XIRP2: variants seen among roughly 807,000 people sequenced by gnomAD.
The protein encoded by XIRP2 is xin actin binding repeat containing 2, also known as xin actin-binding repeat-containing protein 2.
Under a neutral mutation model 277.0 loss-of-function variants are expected in XIRP2, and 236 were observed. That is an observed-to-expected ratio of 0.85 (90% confidence interval 0.77 to 0.95). The LOEUF (loss-of-function observed/expected upper bound fraction) is 0.95, where lower values mean the gene tolerates loss of function less well. Ranked by LOEUF, XIRP2 falls within the 40% of genes least tolerant of loss-of-function variation. XIRP2 has a pLI of 0.00. For missense variants in XIRP2, 4,640 were observed against 4,157.5 expected (o/e 1.12, Z -3.19); for synonymous variants, 1,490 against 1,416.5 (o/e 1.05, Z -1.17).
At chr2:166,929,359 A>G (rs1340148041) in intron 2 of XIRP2, among the ~76,000 whole-genome samples, 1 of 152,040 alleles carries the variant, frequency 6.6e-6, no homozygotes, top group Non-Finnish European at 1.5e-5. Context: ...AAAAATCCCC[A>G]CCTTCAGTCA....
At chr2:166,969,012 GTT>G (rs1457514334) in intron 2 of XIRP2, among the ~76,000 whole-genome samples, 1 of 151,944 alleles carries the variant, frequency 6.6e-6, no homozygotes, top group Non-Finnish European at 1.5e-5. Context: ...GTCAAGAAGA[GTT>G]TTATCAAGGC....
Position 167,243,305 on chromosome 2 carries a change from A to C in XIRP2, c.1913A>C (p.Glu638Ala). 1.9e-6 allele frequency: 3 copies of C among 1,613,728 alleles called. No homozygotes were observed. Among genetic ancestry groups the C allele is most frequent in the Non-Finnish European group, 2.5e-6 (3 of 1,179,798 alleles). Residue 638 changes from glutamate to alanine, a missense_variant, in exon 9 of 11, where the codon GAA becomes GCA. By Grantham distance (107) the Glu-to-Ala change is moderately radical. Transcript: ENST00000409195. ...GGGGCTTATTCTTCTGACACTGTAG[A>C]AAATGCAGAGAAAATTCCTGAGCTA... ...TLGAYSSDTVENAEKIPELAR... is the reference protein window; with the variant it reads ...TLGAYSSDTVANAEKIPELAR...
chr2:167,086,712 C>T (rs962716119), intron 2 of XIRP2, among the ~76,000 whole-genome samples: 1 of 151,730 alleles, frequency 6.6e-6, no homozygotes, highest in African/African-American at 2.4e-5. Flanking sequence ...ATTGCTGATA[C>T]CCTTTCTCCC....
At chr2:166,894,090 T>A (rs552336031) in intron 1 of XIRP2, among the ~76,000 whole-genome samples, 2 of 152,264 alleles carry the variant, frequency 1.3e-5, no homozygotes, top group East Asian at 3.9e-4. Flanking sequence ...TCTTTTTGTT[T>A]AATGCAATGG....
Position 167,254,026 on chromosome 2 carries a change from T to C in XIRP2, c.10556-6T>C. 6.4e-7 allele frequency: 1 copy of C among 1,573,834 alleles called. No homozygotes were observed. The highest frequency in any genetic ancestry group is 1.4e-5 in the African/African-American group (1 of 72,782). Reference sequence around the variant, plus strand: ...TACAGAAGGCTTTGTAAATTTTTATTTTTAGAAGCTGCTGCTCCAAGACAA... The same window carrying C: ...TACAGAAGGCTTTGTAAATTTTTATCTTTAGAAGCTGCTGCTCCAAGACAA... On this transcript the variant is annotated splice_region_variant and splice_polypyrimidine_tract_variant and intron_variant, in intron 9 of 10. Transcript: ENST00000409195.
intron 3 of XIRP2, among the ~76,000 whole-genome samples, chr2:167,138,174 C>T (rs998899): frequency 0.33 from 50,910 of 151,974 alleles, 10,818 homozygotes; most frequent in African/African-American, 0.61. Flanking sequence ...TAACTAGCCG[C>T]AAGAGTTTCA....
chr2:166,948,851 C>A (rs1420268579), intron 2 of XIRP2, among the ~76,000 whole-genome samples: 2 of 152,000 alleles, frequency 1.3e-5, no homozygotes, highest in Non-Finnish European at 2.9e-5. Context: ...TTGAAAAACA[C>A]GGTTTTGTAC....
intron 2 of XIRP2, among the ~76,000 whole-genome samples, chr2:167,041,715 A>G (rs1351019428): frequency 6.6e-6 from 1 of 152,192 alleles, no homozygotes; most frequent in Non-Finnish European, 1.5e-5. Flanking sequence ...GGAATCTCAG[A>G]AAGACAGAGA....
intron 2 of XIRP2, among the ~76,000 whole-genome samples, chr2:167,024,366 A>T (rs1390860180): frequency 6.6e-6 from 1 of 151,978 alleles, no homozygotes; most frequent in Non-Finnish European, 1.5e-5. Flanking sequence ...GAGATGATGG[A>T]GTTTTCTAGA....
intron 3 of XIRP2, among the ~76,000 whole-genome samples, chr2:167,137,699 CA>C (rs1228481527): frequency 6.6e-6 from 1 of 152,146 alleles, no homozygotes; most frequent in East Asian, 1.9e-4. Context: ...AAAGTAACCT[CA>C]AATACACATT....
At chr2:167,148,696 A>G (rs996095018) in intron 3 of XIRP2, among the ~76,000 whole-genome samples, 8 of 152,206 alleles carry the variant, frequency 5.3e-5, no homozygotes, top group African/African-American at 1.9e-4. Flanking sequence ...AACACAAAAT[A>G]GACACTTGTA....
chr2:167,164,440 C>A (rs192853261), intron 3 of XIRP2, among the ~76,000 whole-genome samples: 13,138 of 116,120 alleles, frequency 0.11, 687 homozygotes, highest in Middle Eastern at 0.2. Context: ...AGCGAGACTC[C>A]GTCTCAAAAA....
chr2:167,228,895 C>A (rs959092790), intron 5 of XIRP2, among the ~76,000 whole-genome samples: 5 of 152,106 alleles, frequency 3.3e-5, no homozygotes, highest in African/African-American at 1.2e-4. Context: ...TCCTATAGAA[C>A]CTATTTTCAA....
rs950468636 is a variant in XIRP2 at position 167,095,844 on chromosome 2, C to T, written c.409-40065C>T. Reference sequence around the variant, plus strand: ...GGCCTCATAAAAATGATTTAGGAGGCGTCACTCTTTTTTTTTTTTTTTTTT... The same window carrying T: ...GGCCTCATAAAAATGATTTAGGAGGTGTCACTCTTTTTTTTTTTTTTTTTT... On this transcript the variant is annotated intron_variant, in intron 2 of 10. Coordinates refer to ENST00000409195, the MANE Select transcript of XIRP2 (RefSeq NM_152381.6). Among the ~76,000 whole-genome samples, 19 of 104,416 alleles carry T rather than the reference C, an allele frequency of 1.8e-4. No homozygotes were observed. The Admixed American group carries it at 1.9e-3, about 10-fold the overall frequency. 68.5% of individuals were successfully genotyped at this position (104,416 alleles called of 152,430 possible).
intron 2 of XIRP2, among the ~76,000 whole-genome samples, chr2:167,028,648 G>A (rs1410962052): frequency 6.6e-6 from 1 of 151,852 alleles, no homozygotes; most frequent in Non-Finnish European, 1.5e-5. Flanking sequence ...ACTCTTCAAT[G>A]TCTAGACACA....
At chr2:167,012,423 G>A (rs1687706118) in intron 2 of XIRP2, among the ~76,000 whole-genome samples, 1 of 151,642 alleles carries the variant, frequency 6.6e-6, no homozygotes, top group African/African-American at 2.4e-5. Context: ...ATTTTGTAAA[G>A]GAAACTGATG....
chr2:167,181,574 A>G (rs1450778501), intron 3 of XIRP2, among the ~76,000 whole-genome samples: 6 of 145,862 alleles, frequency 4.1e-5, no homozygotes, highest in Non-Finnish European at 8.8e-5. Flanking sequence ...CCTATCAAGA[A>G]CATCTGGACC....
At chr2:167,087,751 C>G (rs1481386285) in intron 2 of XIRP2, among the ~76,000 whole-genome samples, 1 of 151,680 alleles carries the variant, frequency 6.6e-6, no homozygotes, top group Non-Finnish European at 1.5e-5. Context: ...AGGGAACTCC[C>G]TGACCCCTTG....
intron 2 of XIRP2, among the ~76,000 whole-genome samples, chr2:167,130,767 C>T (rs990465497): frequency 4.6e-5 from 7 of 152,036 alleles, no homozygotes; most frequent in Admixed American, 4.6e-4. Flanking sequence ...TCTCCCTGCC[C>T]TAACCCCACT....
Sources: allele counts gnomAD v4.1 joint callset (sites outside exome capture counted in the v4.1 genomes callset), GRCh38; gene constraint gnomAD v4.1.1; transcripts MANE v1.5; gene names NCBI Gene and HGNC (gene_info 2026-07-23, HGNC 2026-07-21).